Variants in SIPA1L2 observed in about 807,000 individuals in gnomAD.
SIPA1L2 encodes signal induced proliferation associated 1 like 2, also known as signal-induced proliferation-associated 1-like protein 2.
SIPA1L2 carries 56 observed loss-of-function variants against 163.9 expected under a neutral mutation model. The ratio of observed to expected loss-of-function variants is 0.34; its 90% confidence interval spans 0.28 to 0.43. The LOEUF (loss-of-function observed/expected upper bound fraction) is 0.43, where lower values mean the gene tolerates loss of function less well. SIPA1L2 is among the 20% of genes least tolerant of loss of function. The pLI is 1.00. For synonymous variants in SIPA1L2, 877 were observed against 865.7 expected (o/e 1.01, Z -0.23); for missense variants, 1,974 against 2,193.5 (o/e 0.90, Z 2.00).
At chr1:232,478,018 A>G (rs539120865) in intron 7 of SIPA1L2, among the ~76,000 whole-genome samples, 2 of 152,346 alleles carry the variant, frequency 1.3e-5, no homozygotes, top group Admixed American at 1.3e-4. Context: ...AACAACTCCC[A>G]CAGAGTTTAA....
In SIPA1L2 at chr1:232,399,173, C is replaced by T. The variant is rs34461614; in HGVS notation, c.5123G>A (p.Arg1708Gln). Residue 1708 changes from arginine (R) to glutamine (Q), a missense_variant, in exon 23 of 23, where the codon CGG becomes CAG. This residue lies in a region of SIPA1L2 where 1,079 missense variants were observed against 1,150.7 expected (regional missense o/e 0.94). Transcript: ENST00000674635. ...EESQTATAQL[R>Q]KFTEWFFTTI... ...GGTGAAAAACCATTCTGTGAATTTC[C>T]GCAGCTGAGCTGTCGCGGTCTGGGA... The T allele has an allele frequency of 3.1e-3, 4,945 of 1,613,902 alleles. 21 individuals carry two copies. Among genetic ancestry groups the T allele is most frequent in the Non-Finnish European group, 3.4e-3 (3,963 of 1,180,004 alleles).
chr1:232,461,153 C>T lies in SIPA1L2; in HGVS notation c.2829G>A (p.Thr943=), dbSNP rs774525970. The change falls in exon 10 of 23, where the codon ACG becomes ACA. Residue 943 remains threonine (T), a synonymous_variant. Coordinates refer to ENST00000674635, the MANE Select transcript of SIPA1L2 (RefSeq NM_020808.5). ...REIVQRLVIV[T]RGCETVEMTL... ...TCATTTCCACAGTCTCGCAGCCTCT[C>T]GTCACTATCTAAGGGGGAAGGAGAC... is the stretch of plus-strand genomic sequence containing the variant. 1.3e-5 allele frequency: 21 copies of T among 1,613,858 alleles called. No individual in the cohort carries two copies. The highest frequency in any genetic ancestry group is 8.9e-5 in the East Asian group (4 of 44,896).
chr1:232,571,669 C>G (rs1659735960), intron 2 of SIPA1L2, among the ~76,000 whole-genome samples: 2 of 152,154 alleles, frequency 1.3e-5, no homozygotes, highest in Non-Finnish European at 2.9e-5. Flanking sequence ...GTGGATCCCT[C>G]ATGAATGGCT....
intron 16 of SIPA1L2, among the ~76,000 whole-genome samples, chr1:232,429,469 C>T (rs1475455327): frequency 2.0e-5 from 3 of 152,164 alleles, no homozygotes; most frequent in African/African-American, 7.2e-5. Context: ...GAATAAGAAA[C>T]ATACACAAAC....
At chr1:232,581,586 GTTTC>G (rs1558283913) in intron 1 of SIPA1L2, among the ~76,000 whole-genome samples, 1 of 152,104 alleles carries the variant, frequency 6.6e-6, no homozygotes, top group Admixed American at 6.6e-5. Context: ...GTTACTTTGA[GTTTC>G]TTTGACTGAT....
At chr1:232,615,387 G>A (rs998308917) in intron 1 of SIPA1L2, among the ~76,000 whole-genome samples, 5 of 152,222 alleles carry the variant, frequency 3.3e-5, no homozygotes, top group Admixed American at 1.3e-4. Context: ...CATTAGAGAA[G>A]GAGAAAATCA....
rs529633419 is a variant in SIPA1L2 at position 232,597,607 on chromosome 1, A to G, written c.-318-23385T>C. Reference sequence around the variant, plus strand: ...CAGGAGGCTGAGGCAGGAGAATGGCATGAACCCAGGAGGCAGAGGTTGCAG... The same window carrying G: ...CAGGAGGCTGAGGCAGGAGAATGGCGTGAACCCAGGAGGCAGAGGTTGCAG... On this transcript the variant is annotated intron_variant, in intron 1 of 22. Coordinates refer to ENST00000674635, the MANE Select transcript of SIPA1L2 (RefSeq NM_020808.5). 1.4e-3 allele frequency among the ~76,000 whole-genome samples: 209 copies of G among 147,950 alleles called. 2 individuals are homozygous for G. Among genetic ancestry groups the G allele is most frequent in the East Asian group, 1.4e-3 (7 of 5,020 alleles).
At chr1:232,532,440 C>T (rs78963889) in intron 2 of SIPA1L2, among the ~76,000 whole-genome samples, 2,493 of 152,254 alleles carry the variant, frequency 0.016, 43 homozygotes, top group Non-Finnish European at 0.022. Context: ...TAAATACTAA[C>T]AGTATTTTTG....
At chr1:232,442,146 G>C (rs1466748536) in intron 12 of SIPA1L2, among the ~76,000 whole-genome samples, 3 of 152,060 alleles carry the variant, frequency 2.0e-5, no homozygotes, top group Non-Finnish European at 4.4e-5. Flanking sequence ...GAGGTTGAAG[G>C]ACTGTCCAGG....
At chr1:232,573,286 A>G (rs7543758) in intron 2 of SIPA1L2, among the ~76,000 whole-genome samples, 5,826 of 152,284 alleles carry the variant, frequency 0.038, 255 homozygotes, top group African/African-American at 0.11. Context: ...GATACAAATA[A>G]TAGATTTGGT....
chr1:232,469,708 T>C (rs936537985), intron 8 of SIPA1L2, among the ~76,000 whole-genome samples: 1 of 152,124 alleles, frequency 6.6e-6, no homozygotes, highest in Non-Finnish European at 1.5e-5. Context: ...AATAAGGCAA[T>C]GTACTTTGTT....
intron 10 of SIPA1L2, among the ~76,000 whole-genome samples, chr1:232,453,854 T>C (rs1468079502): frequency 2.6e-5 from 4 of 152,042 alleles, no homozygotes; most frequent in Admixed American, 6.6e-5. Flanking sequence ...AAGCCGATCC[T>C]CTAAAACAAA....
chr1:232,429,607 G>GT (rs1288012385), intron 16 of SIPA1L2, among the ~76,000 whole-genome samples: 4 of 144,106 alleles, frequency 2.8e-5, no homozygotes, highest in South Asian at 4.5e-4. Flanking sequence ...AATAGTGGCT[G>GT]TAAAAAAAAA....
intron 1 of SIPA1L2, among the ~76,000 whole-genome samples, chr1:232,596,004 C>G (rs1424847999): frequency 6.6e-6 from 1 of 152,156 alleles, no homozygotes; most frequent in African/African-American, 2.4e-5. Context: ...AGTAACTTCC[C>G]TTGCTCTTTT....
chr1:232,493,742 A>T, intron 3 of SIPA1L2, 82 bp from the exon 4 acceptor site: 1 of 1,530,954 alleles, frequency 6.5e-7, no homozygotes, highest in Non-Finnish European at 8.9e-7. Context: ...TTTGTGTATC[A>T]AATCTCTGAA....
chr1:232,406,280 C>T (rs939869788), intron 19 of SIPA1L2, among the ~76,000 whole-genome samples: 4 of 152,290 alleles, frequency 2.6e-5, no homozygotes, highest in South Asian at 4.1e-4. Flanking sequence ...TACGTGGTCA[C>T]GGTTGGTACA....
At chr1:232,581,614 C>T (rs1412114286) in intron 1 of SIPA1L2, among the ~76,000 whole-genome samples, 1 of 152,186 alleles carries the variant, frequency 6.6e-6, no homozygotes, top group Admixed American at 6.5e-5. Context: ...CAACAGCTCA[C>T]ACAGACACAT....
intron 12 of SIPA1L2, among the ~76,000 whole-genome samples, 185 bp from the exon 13 acceptor site, chr1:232,442,053 T>G (rs551408454): frequency 1.3e-5 from 2 of 152,190 alleles, no homozygotes; most frequent in African/African-American, 4.8e-5. Flanking sequence ...CATCTGAAAT[T>G]GTGGGATCTG....
chr1:232,479,515 C>T, intron 7 of SIPA1L2, 112 bp downstream of exon 7: 1 of 836,498 alleles, frequency 1.2e-6, no homozygotes, highest in South Asian at 1.5e-5. Flanking sequence ...TAATGCTATT[C>T]AAGAAAAACC....
Sources: allele counts gnomAD v4.1 joint callset (sites outside exome capture counted in the v4.1 genomes callset), GRCh38; gene constraint gnomAD v4.1.1; regional missense constraint gnomAD v4.1.1; transcripts MANE v1.5; gene names NCBI Gene and HGNC (gene_info 2026-07-23, HGNC 2026-07-21).